The following PDE5A variants were observed in gnomAD, a reference collection of about 807,000 sequenced individuals.
PDE5A encodes cGMP-specific 3',5'-cyclic phosphodiesterase.
A neutral mutation model predicts 110.2 loss-of-function variants in PDE5A; 67 were observed. The ratio of observed to expected loss-of-function variants is 0.61; its 90% CI spans 0.50 to 0.75. The LOEUF is 0.75. Among genes scored for constraint, PDE5A ranks in the 30% least tolerant of loss-of-function variants. The probability of loss-of-function intolerance (pLI) is 0.00; values close to 1 mark genes in which losing one functional copy is unlikely to be tolerated. For missense variants in PDE5A, 862 were observed against 1,045.1 expected (o/e 0.82, Z 2.42); for synonymous variants, 328 against 351.2 (o/e 0.93, Z 0.74).
intron 15 of PDE5A, among the ~76,000 whole-genome samples, chr4:119,510,274 T>C (rs2110461176): frequency 6.6e-6 from 1 of 152,230 alleles, no homozygotes; most frequent in East Asian, 1.9e-4. Flanking sequence ...GTGATGGGAA[T>C]CCCTGAATTT....
chr4:119,590,911 ACAAT>A (rs994074591), intron 3 of PDE5A, among the ~76,000 whole-genome samples: 1 of 152,210 alleles, frequency 6.6e-6, no homozygotes, highest in Non-Finnish European at 1.5e-5. Flanking sequence ...TATTTTGTAA[ACAAT>A]CAATATTTAA....
chr4:119,579,399 T>C (rs1037361669), intron 3 of PDE5A, among the ~76,000 whole-genome samples: 3 of 152,194 alleles, frequency 2.0e-5, no homozygotes, highest in African/African-American at 4.8e-5. Flanking sequence ...CATATGTTTA[T>C]TGCGGCACTA....
At position 119,498,771 on chromosome 4, in the gene PDE5A, A is replaced by G. The variant is rs1300887111; in HGVS notation, c.2491-33T>C. On this transcript the variant is annotated intron_variant, in intron 20 of 20. Coordinates refer to ENST00000354960, the MANE Select transcript of PDE5A (RefSeq NM_001083.4). ...GAAAAAAGAAAGCAAACAGCTAGAG[A>G]GAAGCCAGGAAATAAGTCCTCTCCC... 2.5e-6 allele frequency: 4 copies of G among 1,612,362 alleles called. No homozygotes were observed. The African/African-American group carries it at 5.3e-5, about 22-fold the overall frequency.
intron 1 of PDE5A, among the ~76,000 whole-genome samples, chr4:119,615,334 A>G (rs901690568): frequency 6.6e-6 from 1 of 152,214 alleles, no homozygotes. Flanking sequence ...TCTCTTCAAC[A>G]TATCTAAGAA....
intron 3 of PDE5A, among the ~76,000 whole-genome samples, chr4:119,576,874 C>T (rs1241681327): frequency 3.3e-5 from 5 of 152,058 alleles, no homozygotes; most frequent in Middle Eastern, 3.4e-3. Flanking sequence ...ACAAAAAACC[C>T]GTCAAAAAAT....
At chr4:119,558,429 T>C (rs560323584) in intron 7 of PDE5A, among the ~76,000 whole-genome samples, 124 of 152,304 alleles carry the variant, frequency 8.1e-4, no homozygotes, top group African/African-American at 2.8e-3. Flanking sequence ...TCAAATTGCC[T>C]AGTACTTCAT....
chr4:119,598,295 T>C (rs917058602), intron 2 of PDE5A, among the ~76,000 whole-genome samples: 5 of 152,150 alleles, frequency 3.3e-5, no homozygotes, highest in Admixed American at 6.6e-5. Flanking sequence ...TCAACAGCAG[T>C]TCTGAATTTC....
intron 11 of PDE5A, among the ~76,000 whole-genome samples, chr4:119,537,253 C>T (rs1034663676): frequency 1.3e-5 from 2 of 152,122 alleles, no homozygotes; most frequent in Non-Finnish European, 2.9e-5. Flanking sequence ...CATAGCTGCT[C>T]CTCCACTCTG....
intron 6 of PDE5A, among the ~76,000 whole-genome samples, chr4:119,562,380 C>G (rs1045637454): frequency 6.6e-6 from 1 of 152,140 alleles, no homozygotes; most frequent in Non-Finnish European, 1.5e-5. Flanking sequence ...ACTGGCTATG[C>G]CTTTTGGTTT....
At chr4:119,591,362 T>C (rs1310021426) in intron 3 of PDE5A, among the ~76,000 whole-genome samples, 1 of 152,214 alleles carries the variant, frequency 6.6e-6, no homozygotes, top group Non-Finnish European at 1.5e-5. Context: ...GTAGATCCTT[T>C]TATTGCCCTC....
At chr4:119,517,278 G>T (rs1395115747) in intron 14 of PDE5A, among the ~76,000 whole-genome samples, 1 of 151,978 alleles carries the variant, frequency 6.6e-6, no homozygotes, top group African/African-American at 2.4e-5. Flanking sequence ...TCTGATGAGG[G>T]CTGGACACAG....
intron 10 of PDE5A, among the ~76,000 whole-genome samples, chr4:119,540,081 A>G (rs531056320): frequency 2.0e-3 from 299 of 152,256 alleles, no homozygotes; most frequent in Non-Finnish European, 3.1e-3. Context: ...AAACCAAGGT[A>G]GTGGTTGTAT....
intron 3 of PDE5A, 45 bp downstream of exon 3, chr4:119,596,477 GA>G: frequency 9.1e-7 from 1 of 1,104,316 alleles, no homozygotes; most frequent in Non-Finnish European, 1.3e-6. Flanking sequence ...TTTTCAAAAA[GA>G]AAAATATTTC....
intron 1 of PDE5A, among the ~76,000 whole-genome samples, chr4:119,626,631 C>T (rs1223577208): frequency 1.3e-5 from 2 of 152,138 alleles, no homozygotes; most frequent in Admixed American, 1.3e-4. Flanking sequence ...CAGATGGCCT[C>T]AGAGGGGCAG....
At chr4:119,530,544 T>C (rs1250697234) in intron 11 of PDE5A, among the ~76,000 whole-genome samples, 2 of 152,164 alleles carry the variant, frequency 1.3e-5, no homozygotes, top group Non-Finnish European at 2.9e-5. Flanking sequence ...AGAATATGTT[T>C]CTATGTAATT....
chr4:119,622,547 T>C (rs75349866), intron 1 of PDE5A, among the ~76,000 whole-genome samples: 4,341 of 152,280 alleles, frequency 0.029, 89 homozygotes, highest in South Asian at 0.07. Context: ...AGCATTTTCA[T>C]TGCAAACTAA....
chr4:119,523,680 TTGAG>T (rs1203519406), intron 12 of PDE5A, among the ~76,000 whole-genome samples: 1 of 152,076 alleles, frequency 6.6e-6, no homozygotes, highest in Non-Finnish European at 1.5e-5. Context: ...TACAGAAACT[TTGAG>T]TGATTATCTT....
intron 1 of PDE5A, among the ~76,000 whole-genome samples, chr4:119,620,974 T>C (rs1730122245): frequency 6.6e-6 from 1 of 152,242 alleles, no homozygotes; most frequent in African/African-American, 2.4e-5. Context: ...ATACTGTTTT[T>C]CAGATAGTTA....
chr4:119,543,704 C>T (rs539972019), intron 9 of PDE5A: 41 of 152,672 alleles, frequency 2.7e-4, no homozygotes, highest in South Asian at 1.2e-3. Context: ...GCTATCAGTG[C>T]CCTGGTTGCA....
Sources: allele counts gnomAD v4.1 joint callset (sites outside exome capture counted in the v4.1 genomes callset), GRCh38; gene constraint gnomAD v4.1.1; transcripts MANE v1.5; gene names NCBI Gene and HGNC (gene_info 2026-07-23, HGNC 2026-07-21).